The following SCGB2B2 variants were observed in gnomAD, a reference collection of about 807,000 sequenced individuals.
SCGB2B2 encodes secretoglobin family 2B member 2.
A neutral mutation model predicts 7.6 loss-of-function variants in SCGB2B2; 11 were observed. The ratio of observed to expected loss-of-function variants is 1.45; its 90% CI spans 0.91 to 2.40. The LOEUF (loss-of-function observed/expected upper bound fraction) is 2.40, where lower values mean the gene tolerates loss of function less well. SCGB2B2 is among the 30% of genes most tolerant of loss of function. SCGB2B2 has a pLI of 0.00. For missense variants in SCGB2B2, 104 were observed against 115.4 expected, an observed-to-expected ratio of 0.90 and a Z score of 0.45; for synonymous variants, 50 against 48.6, an observed-to-expected ratio of 1.03 and a Z score of -0.12.
At chr19:34,674,510 G>A (rs1217596592) in intron 1 of SCGB2B2, among the ~76,000 whole-genome samples, 2 of 152,150 alleles carry the variant, frequency 1.3e-5, no homozygotes, top group Non-Finnish European at 2.9e-5. Context: ...TGTTAAAAAA[G>A]TTTGGAAAAT....
At position 34,625,862 on chromosome 19, in the gene SCGB2B2, C is replaced by G. The variant is rs553665134; in HGVS notation, c.-2031-29268G>C. On this transcript the variant is annotated intron_variant, in intron 1 of 3. Transcript: ENST00000601241. ...ACCCCCGAGTAGCCTAAATGGGAGG[C>G]ACCCACCAGTAGGGGCAGTCTGACA... Among the ~76,000 whole-genome samples the G allele has an allele frequency of 2.9e-4, 44 of 152,302 alleles. No homozygotes were observed. In the Middle Eastern group the frequency reaches 0.01, roughly 35 times the overall value.
chr19:34,665,804 C>T lies in SCGB2B2; in HGVS notation c.-2032+9826G>A, dbSNP rs562068477. On this transcript the variant is annotated intron_variant, in intron 1 of 3. Coordinates refer to ENST00000601241, the MANE Select transcript of SCGB2B2 (RefSeq NM_001025591.4). ...GAGCCACAGGCCCAGCCCTGGGAGG[C>T]CCAGAGGGGCCTCAGGTCCTCAGGG... Among the ~76,000 whole-genome samples, 24 of 152,194 alleles carry T rather than the reference C, an allele frequency of 1.6e-4. No homozygotes were observed. The South Asian group carries it at 4.8e-3, about 30-fold the overall frequency.
At chr19:34,638,911 CT>C (rs1392967466) in intron 1 of SCGB2B2, among the ~76,000 whole-genome samples, 1 of 152,044 alleles carries the variant, frequency 6.6e-6, no homozygotes, top group African/African-American at 2.4e-5. Flanking sequence ...TGCAGTAAAA[CT>C]TCAGGGTTGC....
chr19:34,616,853 A>G (rs2066097097), intron 1 of SCGB2B2, among the ~76,000 whole-genome samples: 1 of 151,990 alleles, frequency 6.6e-6, no homozygotes, highest in South Asian at 2.1e-4. Context: ...ATCTTGAATT[A>G]ATTTTTGTAT....
intron 1 of SCGB2B2, among the ~76,000 whole-genome samples, chr19:34,618,138 C>T (rs1434512353): frequency 2.0e-5 from 3 of 152,194 alleles, no homozygotes; most frequent in Non-Finnish European, 2.9e-5. Context: ...TGTTCCTACT[C>T]GGCCATCTTG....
rs572314441 is a variant in SCGB2B2 at position 34,652,385 on chromosome 19, C to G, written c.-2032+23245G>C. On this transcript the variant is annotated intron_variant, in intron 1 of 3. Transcript: ENST00000601241. ...GCAGAATGGCCAAAAAAATTGTAAA[C>G]TATTCATTCAACAAGGGATTAAGAT... Among the ~76,000 whole-genome samples, 30 of 151,382 alleles carry G rather than the reference C, an allele frequency of 2.0e-4. No homozygotes were observed. The South Asian group carries it at 6.0e-3, about 30-fold the overall frequency.
At chr19:34,649,312 A>T (rs2067103808) in intron 1 of SCGB2B2, among the ~76,000 whole-genome samples, 1 of 146,864 alleles carries the variant, frequency 6.8e-6, no homozygotes, top group Non-Finnish European at 1.5e-5. Flanking sequence ...AAAAAGAGAG[A>T]AATCCTTTGA....
intron 1 of SCGB2B2, among the ~76,000 whole-genome samples, chr19:34,614,226 G>A (rs1380570642): frequency 6.6e-6 from 1 of 151,816 alleles, no homozygotes; most frequent in African/African-American, 2.4e-5. Context: ...TTTTCCTTCT[G>A]GGACTTCTGA....
chr19:34,659,369 T>C (rs992186135), intron 1 of SCGB2B2, among the ~76,000 whole-genome samples: 1 of 152,234 alleles, frequency 6.6e-6, no homozygotes, highest in Non-Finnish European at 1.5e-5. Flanking sequence ...GCAGATGACA[T>C]GATTTTATAT....
chr19:34,609,917 G>A (rs1197330382), intron 1 of SCGB2B2, among the ~76,000 whole-genome samples: 3 of 151,950 alleles, frequency 2.0e-5, no homozygotes, highest in Non-Finnish European at 2.9e-5. Flanking sequence ...TTGGTAATAC[G>A]CTCATTTTTA....
At chr19:34,628,663 T>C (rs1361493930) in intron 1 of SCGB2B2, among the ~76,000 whole-genome samples, 1 of 151,880 alleles carries the variant, frequency 6.6e-6, no homozygotes, top group African/African-American at 2.4e-5. Flanking sequence ...ACCAGACAGA[T>C]TCACAGCTGA....
intron 1 of SCGB2B2, chr19:34,645,878 C>A: frequency 4.1e-6 from 1 of 243,560 alleles, no homozygotes. Context: ...TTGCCTCATC[C>A]ACCACAGGGG....
intron 1 of SCGB2B2, among the ~76,000 whole-genome samples, chr19:34,662,504 A>AACAC (rs10634972): frequency 0.04 from 5,974 of 149,426 alleles, 158 homozygotes; most frequent in South Asian, 0.083. Flanking sequence ...TTTTTTAAAC[A>AACAC]ACACACACAC....
intron 1 of SCGB2B2, among the ~76,000 whole-genome samples, chr19:34,624,484 T>G (rs1191300121): frequency 1.3e-5 from 2 of 152,298 alleles, no homozygotes; most frequent in African/African-American, 4.8e-5. Flanking sequence ...TCCTGGTTAC[T>G]AAGGCACTTG....
intron 1 of SCGB2B2, among the ~76,000 whole-genome samples, chr19:34,609,706 A>G (rs2065878262): frequency 6.6e-6 from 1 of 152,002 alleles, no homozygotes; most frequent in Non-Finnish European, 1.5e-5. Context: ...GTACAATACT[A>G]TTTTTTAAAA....
chr19:34,631,633 G>A (rs12981034), intron 1 of SCGB2B2, among the ~76,000 whole-genome samples: 47,900 of 151,756 alleles, frequency 0.32, 8,397 homozygotes, highest in Middle Eastern at 0.47. Flanking sequence ...TAAAGGGAGA[G>A]ATATGCCACG....
At position 34,601,766 on chromosome 19, in the gene SCGB2B2, C is replaced by T. The variant is rs1404086973; in HGVS notation, c.-2031-5172G>A. Among the ~76,000 whole-genome samples the T allele has an allele frequency of 4.6e-5, 7 of 152,076 alleles. No homozygotes were observed. In the East Asian group the frequency reaches 1.2e-3, roughly 25 times the overall value. ...TCTATCTAATGCCTATTTGTTTATT[C>T]CTCTTCAATCCTCAGATTTTTACTT... On this transcript the variant is annotated intron_variant, in intron 1 of 3. Coordinates refer to ENST00000601241, the MANE Select transcript of SCGB2B2 (RefSeq NM_001025591.4).
In SCGB2B2 at chr19:34,591,573, G is replaced by C. The variant is rs2065298903; in HGVS notation, c.*1982C>G. On this transcript the variant is annotated 3_prime_UTR_variant, in exon 4 of 4. Coordinates refer to ENST00000601241, the MANE Select transcript of SCGB2B2 (RefSeq NM_001025591.4). ...CTCCCAGGATTTTTCACTGCACATG[G>C]AAAGGATCCACCTTTCTGCAAGGTC... Among the ~76,000 whole-genome samples, 1 of 152,166 alleles carries C rather than the reference G, an allele frequency of 6.6e-6. No individual in the cohort carries two copies. Among genetic ancestry groups the C allele is most frequent in the Admixed American group, 6.5e-5 (1 of 15,274 alleles).
chr19:34,666,132 C>A (rs1279500195), intron 1 of SCGB2B2, among the ~76,000 whole-genome samples: 1 of 152,066 alleles, frequency 6.6e-6, no homozygotes, highest in Non-Finnish European at 1.5e-5. Flanking sequence ...TGGGGAGGGT[C>A]CCCAGATTGT....
Sources: gnomAD v4.1 joint callset for allele counts (sites outside exome capture counted in the v4.1 genomes callset) on GRCh38, gnomAD v4.1.1 for gene constraint, MANE v1.5 for transcripts, NCBI Gene and HGNC (gene_info 2026-07-23, HGNC 2026-07-21) for gene names.